MCM3: variants seen among roughly 807,000 people sequenced by gnomAD.
MCM3 encodes the protein minichromosome maintenance complex component 3.
MCM3 carries 59 observed loss-of-function variants against 91.3 expected under a neutral mutation model. That is an observed-to-expected ratio of 0.65 (90% confidence interval 0.52 to 0.80). The LOEUF (loss-of-function observed/expected upper bound fraction) is 0.80, where lower values mean the gene tolerates loss of function less well. Among genes scored for constraint, MCM3 ranks in the 30% least tolerant of loss-of-function variants. The pLI, the probability that MCM3 is intolerant of heterozygous loss-of-function variation, is 0.00. For synonymous variants in MCM3, 383 were observed against 379.6 expected, an observed-to-expected ratio of 1.01 and a Z score of -0.10; for missense variants, 919 against 1,035.4, an observed-to-expected ratio of 0.89 and a Z score of 1.54.
At chr6:52,282,225 A>G (rs779828436) in intron 3 of MCM3, 50 bp from the exon 4 acceptor site, 14 of 1,579,358 alleles carry the variant, frequency 8.9e-6, no homozygotes, top group Middle Eastern at 1.7e-4. Context: ...AGACGATGAT[A>G]CAGGTGGAAC....
chr6:52,276,151 T>C (rs45464292), intron 9 of MCM3, 117 bp downstream of exon 9: 10 of 903,068 alleles, frequency 1.1e-5, no homozygotes, highest in South Asian at 5.1e-5. Flanking sequence ...AAAATGGCCT[T>C]ACTTTTAGTC....
At chr6:52,278,541 TATTAAA>T (rs17246338) in intron 6 of MCM3, among the ~76,000 whole-genome samples, 195 bp downstream of exon 6, 9,510 of 152,288 alleles carry the variant, frequency 0.062, 343 homozygotes, top group Middle Eastern at 0.1. Flanking sequence ...AGGTAGCAGG[TATTAAA>T]ATTGTTTAAT....
intron 9 of MCM3, among the ~76,000 whole-genome samples, chr6:52,274,691 A>G (rs773912443): frequency 8.1e-5 from 7 of 86,270 alleles, no homozygotes; most frequent in African/African-American, 2.6e-4. Context: ...TATGTCTCAG[A>G]AAAAAAAAAA....
chr6:52,264,586 C>A lies in MCM3; in HGVS notation c.*2G>T, dbSNP rs751328965. 9.3e-6 allele frequency: 15 copies of A among 1,614,020 alleles called. No individual in the cohort carries two copies. In the South Asian group the frequency reaches 1.5e-4, roughly 17 times the overall value. On this transcript the variant is annotated 3_prime_UTR_variant, in exon 17 of 17. Coordinates refer to ENST00000596288, the MANE Select transcript of MCM3 (RefSeq NM_002388.6). ...CAACCCAAGTTCAGAGACGAGGCCT[C>A]CTCAGATGAGGAAGATGATGCCCTC...
intron 16 of MCM3, among the ~76,000 whole-genome samples, chr6:52,265,620 G>GA (rs1454433163): frequency 1.3e-5 from 2 of 151,850 alleles, no homozygotes; most frequent in Admixed American, 6.6e-5. Context: ...AGTATAAAAA[G>GA]AAAAAACGTA....
At position 52,273,751 on chromosome 6, in the gene MCM3, C is replaced by CCTG; in HGVS notation, c.1537_1539dup (p.Gln513dup). ...ATTCTTATGGCCTCACCATCGCCAT[C>CCTG]CTGCTCCCCAGGTGCTCTGTAACGG... is the stretch of plus-strand genomic sequence containing the variant. On this transcript the variant is annotated inframe_insertion, in exon 10 of 17. Coordinates refer to ENST00000596288, the MANE Select transcript of MCM3 (RefSeq NM_002388.6). 6.2e-7 allele frequency: 1 copy of CCTG among 1,610,172 alleles called. No homozygotes were observed. The highest frequency in any genetic ancestry group is 8.5e-7 in the Non-Finnish European group (1 of 1,178,206).
At position 52,266,685 on chromosome 6, in the gene MCM3, C is replaced by A. The variant is rs1030311922; in HGVS notation, c.2084G>T (p.Arg695Leu). Reference sequence around the variant, plus strand: ...ATCCCCATCTTTGGCATCTGGCTGGCGAGTCTTCCTTCTAAAATACCCACA... The same window carrying A: ...ATCCCCATCTTTGGCATCTGGCTGGAGAGTCTTCCTTCTAAAATACCCACA... ...QEQKRKRRKT[R>L]QPDAKDGDSY... Residue 695 changes from arginine (R) to leucine (L), a missense_variant, in exon 15 of 17, where the codon CGC (arginine) becomes CTC (leucine). Around this residue, in one of 3 missense-constraint regions of MCM3, gnomAD observed 285 missense variants for 311.4 expected, o/e 0.92. Transcript: ENST00000596288. The A allele has an allele frequency of 2.5e-6, 4 of 1,613,812 alleles. No homozygotes were observed. The Admixed American group carries it at 6.7e-5, about 27-fold the overall frequency.
In MCM3 at chr6:52,277,620, T is replaced by G; in HGVS notation, c.948A>C (p.Ala316=). ...SIHGHDYVKK[A]ILCLLLGGVE... is the part of the protein sequence containing the mutation. The stretch of plus-strand genomic sequence containing the variant: ...CCCCTCCCAAGAGCAAGCAGAGGAT[T>G]GCTTTCTTGACATAGTCATGCCCAT... The change falls in exon 7 of 17, where the codon GCA becomes GCC. Residue 316 remains alanine, a synonymous_variant. Coordinates refer to ENST00000596288, the MANE Select transcript of MCM3 (RefSeq NM_002388.6). 6.2e-7 allele frequency: 1 copy of G among 1,614,038 alleles called. No homozygotes were observed. Among genetic ancestry groups the G allele is most frequent in the South Asian group, 1.1e-5 (1 of 91,072 alleles).
intron 14 of MCM3, among the ~76,000 whole-genome samples, chr6:52,267,010 T>C (rs951971012): frequency 6.6e-6 from 1 of 152,112 alleles, no homozygotes; most frequent in Non-Finnish European, 1.5e-5. Context: ...TGGGTTGCTG[T>C]TCCTACTATT....
At chr6:52,274,954 A>G (rs1217899950) in intron 9 of MCM3, among the ~76,000 whole-genome samples, 1 of 152,176 alleles carries the variant, frequency 6.6e-6, no homozygotes, top group East Asian at 1.9e-4. Context: ...TTTAAAGATG[A>G]GGTCTCACTA....
At chr6:52,273,592 A>C in intron 10 of MCM3, 150 bp downstream of exon 10, 1 of 834,110 alleles carries the variant, frequency 1.2e-6, no homozygotes, top group South Asian at 1.8e-5. Context: ...ACCCTCCACT[A>C]AGCAAGAAGG....
Position 52,273,508 on chromosome 6 carries a change from T to TG in MCM3, c.1550-153dup, listed in dbSNP as rs1036206597. On this transcript the variant is annotated intron_variant, in intron 10 of 16. Transcript: ENST00000596288. ...ACATGGAACCCACAAATAAAGATAGTGGAACTGCCTGGCTCACACAAGATG... is the reference window on the plus strand; with the variant it reads ...ACATGGAACCCACAAATAAAGATAGTGGGAACTGCCTGGCTCACACAAGATG... 5.4e-5 allele frequency: 46 copies of TG among 844,230 alleles called. No individual in the cohort carries two copies. In the African/African-American group the frequency reaches 7.6e-4, roughly 14 times the overall value. The allele number at this position is 844,230 out of a possible 1,614,324, so 52.3% of individuals were successfully genotyped here.
At chr6:52,284,549 C>A in intron 1 of MCM3, 48 bp downstream of exon 1, 1 of 1,540,708 alleles carries the variant, frequency 6.5e-7, no homozygotes, top group South Asian at 1.2e-5. Context: ...CGGGCCGCGT[C>A]CGCAGGGGCT....
At chr6:52,279,313 A>C (rs1269271525) in intron 5 of MCM3, 48 bp downstream of exon 5, 2 of 1,484,044 alleles carry the variant, frequency 1.3e-6, no homozygotes, top group Non-Finnish European at 1.9e-6. Flanking sequence ...ATTACCAGAA[A>C]TGGAAGCTGT....
chr6:52,272,820 T>C (rs539723373), intron 11 of MCM3, among the ~76,000 whole-genome samples: 11 of 152,278 alleles, frequency 7.2e-5, no homozygotes, highest in East Asian at 5.8e-4. Flanking sequence ...CAAAAATAGG[T>C]GTAAGATCCC....
chr6:52,282,197 AT>A, intron 3 of MCM3, 22 bp from the exon 4 acceptor site: 1 of 1,613,742 alleles, frequency 6.2e-7, no homozygotes, highest in Admixed American at 1.7e-5. Flanking sequence ...AAATGTGCAT[AT>A]ATAAACTCAC....
rs1244228067 is a variant in MCM3, at chr6:52,272,397, G to T, written c.1731C>A (p.Ile577=). ...FMKKYIHVAK[I]IKPVLTQESA... ...ACTCCTGTGTCAGGACAGGCTTGATGATTTTGGCCACATGGATGTACTTCT... is the reference window on the plus strand; with the variant it reads ...ACTCCTGTGTCAGGACAGGCTTGATTATTTTGGCCACATGGATGTACTTCT... The change falls in exon 12 of 17, where the codon ATC becomes ATA. Residue 577 remains isoleucine (I), a synonymous_variant. Coordinates refer to ENST00000596288, the MANE Select transcript of MCM3 (RefSeq NM_002388.6). The T allele has an allele frequency of 6.2e-7, 1 of 1,614,152 alleles. No homozygotes were observed. Among genetic ancestry groups the T allele is most frequent in the Non-Finnish European group, 8.5e-7 (1 of 1,180,022 alleles).
rs555591993 is a variant in MCM3 at position 52,268,987 on chromosome 6, A to G, written c.1968+99T>C. ...GGAAGACAAATACTGCTTTCTGTTG[A>G]CAATCCAAATGTAGCCGTCAGCCAC... is the stretch of plus-strand genomic sequence containing the variant. On this transcript the variant is annotated intron_variant, in intron 13 of 16. Coordinates refer to ENST00000596288, the MANE Select transcript of MCM3 (RefSeq NM_002388.6). The G allele has an allele frequency of 2.7e-5, 36 of 1,310,698 alleles. No homozygotes were observed. In the African/African-American group the frequency reaches 4.7e-4, roughly 17 times the overall value. 81.2% of individuals were successfully genotyped at this position (1,310,698 alleles called of 1,614,324 possible).
intron 9 of MCM3, among the ~76,000 whole-genome samples, chr6:52,274,269 T>G (rs1227145330): frequency 1.3e-5 from 2 of 152,148 alleles, no homozygotes. Context: ...CCCCTACCTG[T>G]CATAAAGACA....
Sources: allele counts gnomAD v4.1 joint callset (sites outside exome capture counted in the v4.1 genomes callset), GRCh38; gene constraint gnomAD v4.1.1; regional missense constraint gnomAD v4.1.1; transcripts MANE v1.5; gene names NCBI Gene and HGNC (gene_info 2026-07-23, HGNC 2026-07-21).